SRGAP1: variants seen among roughly 807,000 people sequenced by gnomAD.
SRGAP1 encodes the protein SLIT-ROBO Rho GTPase-activating protein 1.
Under a neutral mutation model 121.9 loss-of-function variants are expected in SRGAP1, and 43 were observed. That is an observed-to-expected ratio of 0.35 (90% CI 0.28 to 0.46). SRGAP1 has a LOEUF of 0.46. Among genes scored for constraint, SRGAP1 ranks in the 20% least tolerant of loss-of-function variants. The pLI, the probability that SRGAP1 is intolerant of heterozygous loss-of-function variation, is 1.00. For missense variants in SRGAP1, 1,102 were observed against 1,350.9 expected, an observed-to-expected ratio of 0.82 and a Z score of 2.89; for synonymous variants, 447 against 485.4, an observed-to-expected ratio of 0.92 and a Z score of 1.04.
intron 15 of SRGAP1, 47 bp from the exon 16 acceptor site, chr12:64,108,885 A>T: frequency 1.4e-6 from 2 of 1,422,770 alleles, no homozygotes; most frequent in Non-Finnish European, 2.0e-6. Flanking sequence ...TTCTGTTTTA[A>T]ATGTGGCAAG....
intron 6 of SRGAP1, among the ~76,000 whole-genome samples, chr12:64,045,559 T>A (rs1227181204): frequency 6.6e-6 from 1 of 151,812 alleles, no homozygotes; most frequent in Non-Finnish European, 1.5e-5. Flanking sequence ...CCTCAGCCTC[T>A]TGAGTAGCTG....
intron 1 of SRGAP1, among the ~76,000 whole-genome samples, chr12:63,961,728 A>G (rs544204376): frequency 6.6e-6 from 1 of 152,368 alleles, no homozygotes; most frequent in South Asian, 2.1e-4. Flanking sequence ...CACAGAGAAT[A>G]AAACAATTTC....
At chr12:64,136,011 G>C (rs2036850906) in intron 21 of SRGAP1, among the ~76,000 whole-genome samples, 1 of 152,192 alleles carries the variant, frequency 6.6e-6, no homozygotes, top group Admixed American at 6.5e-5. Context: ...AGGCTGGGAG[G>C]CTAGGCCAGT....
intron 1 of SRGAP1, among the ~76,000 whole-genome samples, chr12:63,916,032 CTTTTT>C (rs140042368): frequency 5.6e-5 from 7 of 125,192 alleles, no homozygotes; most frequent in Non-Finnish European, 9.7e-5. Flanking sequence ...CTTTTCTTTT[CTTTTT>C]TTTTTTTTTT....
chr12:64,080,504 T>C (rs539080943), intron 10 of SRGAP1, 134 bp downstream of exon 10: 46 of 818,246 alleles, frequency 5.6e-5, no homozygotes, highest in Non-Finnish European at 8.5e-5. Context: ...TTGGTTTTGT[T>C]TGTATATGTC....
intron 2 of SRGAP1, among the ~76,000 whole-genome samples, chr12:63,988,895 C>T (rs1000505903): frequency 3.9e-5 from 6 of 152,184 alleles, no homozygotes; most frequent in African/African-American, 1.2e-4. Context: ...GCTGCAACCT[C>T]GACCTCCTAG....
At chr12:63,873,653 T>G (rs899227127) in intron 1 of SRGAP1, among the ~76,000 whole-genome samples, 5 of 149,358 alleles carry the variant, frequency 3.3e-5, no homozygotes, top group African/African-American at 9.7e-5. Flanking sequence ...CCATATAAAA[T>G]TAGATTTTAT....
chr12:64,147,818 AT>A lies in SRGAP1; in HGVS notation c.*5147del, dbSNP rs1157953963. 5.0e-6 allele frequency: 2 copies of A among 396,998 alleles called. No homozygotes were observed. Among genetic ancestry groups the A allele is most frequent in the Non-Finnish European group, 8.9e-6 (2 of 225,684 alleles). The allele number at this position is 396,998 out of a possible 1,614,324, so 24.6% of individuals were successfully genotyped here. A position where few individuals can be genotyped will look rare whatever the true frequency, so the allele number is the denominator to read the frequency against. ...TCTTCACGGTGTATCTTTATAATAA[AT>A]AAGATAGTTCTGGCTGCCTTTGTCT... On this transcript the variant is annotated 3_prime_UTR_variant, in exon 22 of 22. Transcript: ENST00000355086.
intron 1 of SRGAP1, among the ~76,000 whole-genome samples, chr12:63,948,955 C>T (rs1187574698): frequency 2.1e-4 from 16 of 74,946 alleles, no homozygotes; most frequent in African/African-American, 7.1e-4. Flanking sequence ...TATATATATT[C>T]CATATATATA....
intron 1 of SRGAP1, among the ~76,000 whole-genome samples, chr12:63,951,459 C>A (rs1424873280): frequency 1.3e-5 from 2 of 152,090 alleles, no homozygotes; most frequent in Non-Finnish European, 2.9e-5. Context: ...CCACTGCACC[C>A]GGCCTTCATT....
At chr12:64,046,715 CAGACATCTGTGTGGAGATGTAAAGG>C (rs1309918280) in intron 6 of SRGAP1, among the ~76,000 whole-genome samples, 5 of 152,202 alleles carry the variant, frequency 3.3e-5, no homozygotes, top group African/African-American at 1.2e-4. Flanking sequence ...AGATACCTAT[CAGACATCTGTGTGGAGATGTAAAGG>C]AGCATCCTCA....
At chr12:63,907,961 T>C (rs920307631) in intron 1 of SRGAP1, among the ~76,000 whole-genome samples, 8 of 152,224 alleles carry the variant, frequency 5.3e-5, no homozygotes, top group African/African-American at 1.9e-4. Context: ...AAAAGACTAT[T>C]CTTTTTTCAT....
chr12:64,109,120 AT>A, intron 16 of SRGAP1, 83 bp downstream of exon 16: 1 of 878,432 alleles, frequency 1.1e-6, no homozygotes, highest in South Asian at 3.0e-5. Context: ...GTTGGGTTCC[AT>A]TTATCAGCAG....
intron 4 of SRGAP1, among the ~76,000 whole-genome samples, chr12:64,040,966 T>C (rs2035006091): frequency 6.6e-6 from 1 of 152,276 alleles, no homozygotes; most frequent in East Asian, 1.9e-4. Flanking sequence ...TTTGTAACAA[T>C]AATATAGCCA....
At chr12:63,971,281 C>G (rs938322240) in intron 1 of SRGAP1, among the ~76,000 whole-genome samples, 1 of 152,318 alleles carries the variant, frequency 6.6e-6, no homozygotes, top group African/African-American at 2.4e-5. Context: ...GATAATTATA[C>G]AACTAATAGT....
intron 15 of SRGAP1, 40 bp from the exon 16 acceptor site, chr12:64,108,892 C>A: frequency 1.4e-6 from 2 of 1,467,132 alleles, no homozygotes; most frequent in South Asian, 1.3e-5. Context: ...TTAAATGTGG[C>A]AAGTGAAAGG....
At chr12:64,132,962 T>C (rs2036807783) in intron 21 of SRGAP1, among the ~76,000 whole-genome samples, 1 of 152,258 alleles carries the variant, frequency 6.6e-6, no homozygotes, top group African/African-American at 2.4e-5. Flanking sequence ...CCAATCCACA[T>C]ACCAGGAGAT....
intron 10 of SRGAP1, among the ~76,000 whole-genome samples, chr12:64,085,449 T>A (rs1219797354): frequency 2.0e-5 from 3 of 152,174 alleles, no homozygotes; most frequent in Admixed American, 6.5e-5. Context: ...CTTTGCACAT[T>A]CTACTGCCTC....
chr12:63,919,940 A>G (rs1384134777), intron 1 of SRGAP1, among the ~76,000 whole-genome samples: 4 of 152,196 alleles, frequency 2.6e-5, no homozygotes, highest in Non-Finnish European at 5.9e-5. Context: ...GCTTTCTGCT[A>G]TTTGAACAAT....
Sources: allele counts gnomAD v4.1 joint callset (sites outside exome capture counted in the v4.1 genomes callset), GRCh38; gene constraint gnomAD v4.1.1; transcripts MANE v1.5; gene names NCBI Gene and HGNC (gene_info 2026-07-23, HGNC 2026-07-21).